GALNT18: variants seen among roughly 807,000 people sequenced by gnomAD.
GALNT18 encodes the protein polypeptide N-acetylgalactosaminyltransferase 18.
In GALNT18, 44 loss-of-function variants were observed where a neutral mutation model predicts 69.5. That is an observed-to-expected ratio of 0.63 (90% CI 0.50 to 0.81). GALNT18 has a LOEUF of 0.81. GALNT18 is among the 40% of genes least tolerant of loss of function. The probability of loss-of-function intolerance (pLI) is 0.00; values close to 1 mark genes in which losing one functional copy is unlikely to be tolerated. For synonymous variants in GALNT18, 364 were observed against 318.2 expected, an observed-to-expected ratio of 1.14 and a Z score of -1.53; for missense variants, 715 against 810.0, an observed-to-expected ratio of 0.88 and a Z score of 1.42.
At chr11:11,327,819 G>A (rs1590039930) in intron 8 of GALNT18, among the ~76,000 whole-genome samples, 1 of 152,340 alleles carries the variant, frequency 6.6e-6, no homozygotes, top group South Asian at 2.1e-4. Context: ...TATATTCAAT[G>A]TTACTTTCTT....
At chr11:11,276,457 A>T (rs1053312269) in intron 10 of GALNT18, among the ~76,000 whole-genome samples, 2 of 152,176 alleles carry the variant, frequency 1.3e-5, no homozygotes, top group African/African-American at 4.8e-5. Flanking sequence ...CTAAATATAC[A>T]ATCATGTCAT....
chr11:11,615,790 C>T (rs1289303307), intron 1 of GALNT18, among the ~76,000 whole-genome samples: 2 of 152,132 alleles, frequency 1.3e-5, no homozygotes, highest in Non-Finnish European at 2.9e-5. Flanking sequence ...TGGGAGACCC[C>T]ACTTAACCCT....
intron 9 of GALNT18, among the ~76,000 whole-genome samples, chr11:11,305,712 GT>G (rs1554913573): frequency 6.6e-6 from 1 of 152,090 alleles, no homozygotes; most frequent in Non-Finnish European, 1.5e-5. Context: ...TTTGTGCTTG[GT>G]GTTAGCTGTC....
intron 3 of GALNT18, among the ~76,000 whole-genome samples, chr11:11,406,485 G>A (rs1188047195): frequency 6.6e-6 from 1 of 152,162 alleles, no homozygotes; most frequent in Non-Finnish European, 1.5e-5. Flanking sequence ...ATCACAAAAC[G>A]CTGATATTTC....
intron 1 of GALNT18, among the ~76,000 whole-genome samples, chr11:11,453,660 C>G (rs562339284): frequency 1.2e-4 from 18 of 152,116 alleles, no homozygotes; most frequent in Non-Finnish European, 2.2e-4. Flanking sequence ...CAAGTCTTTC[C>G]CATGCTGTTC....
Position 11,372,456 on chromosome 11 carries a change from A to G in GALNT18, c.1092+59T>C. The G allele has an allele frequency of 2.3e-6, 3 of 1,322,280 alleles. No homozygotes were observed. The highest frequency in any genetic ancestry group is 1.7e-5 in the Admixed American group (1 of 59,566). The allele number at this position is 1,322,280 out of a possible 1,614,324, so 81.9% of individuals were successfully genotyped here. A position where few individuals can be genotyped will look rare whatever the true frequency, so the allele number is the denominator to read the frequency against. On this transcript the variant is annotated intron_variant, in intron 6 of 10. Coordinates refer to ENST00000227756, the MANE Select transcript of GALNT18 (RefSeq NM_198516.3). The surrounding 1 kb of genome is among the most constrained non-coding windows in gnomAD (Gnocchi z 4.9). ...CCTTAAACCCCATTTCTCCACCCCC[A>G]GACTCATTCACCCTGGTGGGAGCTG... is the stretch of plus-strand genomic sequence containing the variant.
chr11:11,469,958 C>A lies in GALNT18; in HGVS notation c.236-21022G>T, dbSNP rs1226395872. Among the ~76,000 whole-genome samples the A allele has an allele frequency of 1.3e-5, 2 of 152,158 alleles. No homozygotes were observed. The highest frequency in any genetic ancestry group is 4.8e-5 in the African/African-American group (2 of 41,438). ...AGCTTTCCAAAACATCACTGGTCTC[C>A]AAGAGGATTTTGTTCTTTGAATGAA... On this transcript the variant is annotated intron_variant, in intron 1 of 10. Coordinates refer to ENST00000227756, the MANE Select transcript of GALNT18 (RefSeq NM_198516.3). This position sits in a 1 kb window ranked among gnomAD's most constrained non-coding sequence, Gnocchi z 4.2.
In GALNT18 at chr11:11,320,039, C is replaced by A. The variant is rs1289919191; in HGVS notation, c.1512+7047G>T. ...ATGCTGCTACAAGCCAAGGGACCAC[C>A]AACCACCAGCCAATTTCATTACAGG... On this transcript the variant is annotated intron_variant, in intron 9 of 10. Transcript: ENST00000227756. This position sits in a 1 kb window ranked among gnomAD's most constrained non-coding sequence, Gnocchi z 4.9. 6.6e-6 allele frequency among the ~76,000 whole-genome samples: 1 copy of A among 152,188 alleles called. No individual in the cohort carries two copies. The highest frequency in any genetic ancestry group is 2.4e-5 in the African/African-American group (1 of 41,450).
At chr11:11,420,813 A>G (rs981376287) in intron 3 of GALNT18, among the ~76,000 whole-genome samples, 2 of 152,310 alleles carry the variant, frequency 1.3e-5, no homozygotes, top group East Asian at 3.9e-4. Flanking sequence ...AGGGCCCCTC[A>G]GAGGGCAGGA....
chr11:11,340,755 C>G lies in GALNT18; in HGVS notation c.1278+64G>C. On this transcript the variant is annotated intron_variant, in intron 7 of 10. Transcript: ENST00000227756. The surrounding 1 kb of genome is among the most constrained non-coding windows in gnomAD (Gnocchi z 4.2). The stretch of plus-strand genomic sequence containing the variant: ...ACCCATAGGAAGAAGGGTTCGGTCC[C>G]ATATCTTGTTTTGTTTGTTTTCCAC... 1 of 1,479,642 alleles carries G rather than the reference C, an allele frequency of 6.8e-7. No individual in the cohort carries two copies. The highest frequency in any genetic ancestry group is 9.2e-7 in the Non-Finnish European group (1 of 1,086,856). 91.7% of individuals were successfully genotyped at this position (1,479,642 alleles called of 1,614,324 possible).
At chr11:11,581,983 T>C (rs1002740737) in intron 1 of GALNT18, among the ~76,000 whole-genome samples, 6 of 151,926 alleles carry the variant, frequency 3.9e-5, no homozygotes, top group Non-Finnish European at 5.9e-5. Flanking sequence ...GTTTACAGTT[T>C]ACTGGAAGAG....
At chr11:11,352,736 T>C (rs2896585) in intron 6 of GALNT18, 1 of 1,614,122 alleles carries the variant, frequency 6.2e-7, no homozygotes, top group East Asian at 2.2e-5. Context: ...CATAGTCTGT[T>C]AACGTCTGGT....
chr11:11,332,889 A>G lies in GALNT18; in HGVS notation c.1279-58T>C. 14 of 1,590,900 alleles carry G rather than the reference A, an allele frequency of 8.8e-6. No individual in the cohort carries two copies. The highest frequency in any genetic ancestry group is 1.2e-5 in the Non-Finnish European group (14 of 1,169,290). On this transcript the variant is annotated intron_variant, in intron 7 of 10. Transcript: ENST00000227756. This position sits in a 1 kb window ranked among gnomAD's most constrained non-coding sequence, Gnocchi z 4.3. ...ACTCCCAGGTTGCAGCTTCTCCCCA[A>G]ACTCTACTTTGGCATGACCTTGTGC...
chr11:11,417,499 A>G (rs192323660), intron 3 of GALNT18, among the ~76,000 whole-genome samples: 1 of 152,348 alleles, frequency 6.6e-6, no homozygotes, highest in African/African-American at 2.4e-5. Context: ...CTAGGGCCAT[A>G]TCTGACCTGC....
rs1381270231 is a variant in GALNT18 at position 11,396,464 on chromosome 11, G to A, written c.596-17200C>T. On this transcript the variant is annotated intron_variant, in intron 3 of 10. Coordinates refer to ENST00000227756, the MANE Select transcript of GALNT18 (RefSeq NM_198516.3). This position sits in a 1 kb window ranked among gnomAD's most constrained non-coding sequence, Gnocchi z 5.2. ...GAATTCACGTGTGGGAGGTACCGAT[G>A]AATCAGACGAGGAAACTATCCAGAT... Among the ~76,000 whole-genome samples, 2 of 152,138 alleles carry A rather than the reference G, an allele frequency of 1.3e-5. No homozygotes were observed. Among genetic ancestry groups the A allele is most frequent in the African/African-American group, 4.8e-5 (2 of 41,420 alleles).
chr11:11,569,097 A>C (rs4542405), intron 1 of GALNT18, among the ~76,000 whole-genome samples: 124,085 of 152,066 alleles, frequency 0.82, 50,693 homozygotes, highest in East Asian at 0.88. Context: ...CATTGTAGTC[A>C]AGGATTTACT....
chr11:11,554,722 G>A (rs912991856), intron 1 of GALNT18, among the ~76,000 whole-genome samples: 3 of 152,086 alleles, frequency 2.0e-5, no homozygotes, highest in Non-Finnish European at 4.4e-5. Context: ...CTATCTCACC[G>A]GCTATGTTGG....
intron 1 of GALNT18, among the ~76,000 whole-genome samples, chr11:11,532,095 C>T (rs559678703): frequency 1.3e-5 from 2 of 152,278 alleles, no homozygotes; most frequent in East Asian, 3.9e-4. Context: ...CCCATTTTCT[C>T]CCATTCTGAC....
Position 11,359,131 on chromosome 11 carries a change from G to C in GALNT18, c.1092+13384C>G, listed in dbSNP as rs969886490. Reference sequence around the variant, plus strand: ...TCTCTCTAACTGTGTGGGCAAAGACGAGGTTGCTTTACCCAAAACTGTGGT... The same window carrying C: ...TCTCTCTAACTGTGTGGGCAAAGACCAGGTTGCTTTACCCAAAACTGTGGT... On this transcript the variant is annotated intron_variant, in intron 6 of 10. Transcript: ENST00000227756. Among the ~76,000 whole-genome samples the C allele has an allele frequency of 3.6e-5, 5 of 139,946 alleles. 1 individual carries two copies. Among genetic ancestry groups the C allele is most frequent in the Non-Finnish European group, 8.0e-5 (5 of 62,634 alleles). 91.8% of individuals were successfully genotyped at this position (139,946 alleles called of 152,430 possible).
Sources: allele counts gnomAD v4.1 joint callset (sites outside exome capture counted in the v4.1 genomes callset), GRCh38; gene constraint gnomAD v4.1.1; non-coding constraint Gnocchi (gnomAD v3.1); transcripts MANE v1.5; gene names NCBI Gene and HGNC (gene_info 2026-07-23, HGNC 2026-07-21).